MED26: variants seen among roughly 807,000 people sequenced by gnomAD.
MED26 encodes the protein mediator of RNA polymerase II transcription subunit 26.
In MED26, 7 loss-of-function variants were observed where a neutral mutation model predicts 43.7. The observed-to-expected ratio is 0.16, with a 90% CI of 0.09 to 0.30. MED26 has a LOEUF of 0.30. MED26 is among the 10% of genes least tolerant of loss of function. MED26 has a pLI of 1.00. For synonymous variants in MED26, 375 were observed against 371.1 expected, an observed-to-expected ratio of 1.01 and a Z score of -0.12; for missense variants, 784 against 840.6, an observed-to-expected ratio of 0.93 and a Z score of 0.83.
chr19:16,589,366 C>G (rs2086085796), intron 1 of MED26: 1 of 152,322 alleles, frequency 6.6e-6, no homozygotes, highest in Non-Finnish European at 1.5e-5. Flanking sequence ...TGTATCAGAA[C>G]AGCCCCAACT....
chr19:16,602,125 C>T lies in MED26; in HGVS notation c.73-23716G>A, dbSNP rs548094614. Among the ~76,000 whole-genome samples, 10 of 152,342 alleles carry T rather than the reference C, an allele frequency of 6.6e-5. No homozygotes were observed. In the East Asian group the frequency reaches 1.2e-3, roughly 18 times the overall value. ...TCCTACTGACGTGCACCTGCTGGTT[C>T]ATTCATTCCCTATGGAAAGTTCTGA... is the stretch of plus-strand genomic sequence containing the variant. On this transcript the variant is annotated intron_variant, in intron 1 of 2. Transcript: ENST00000263390.
intron 1 of MED26, chr19:16,611,903 T>A: frequency 6.6e-6 from 1 of 152,210 alleles, no homozygotes; most frequent in Non-Finnish European, 1.5e-5. Context: ...CAAGCGATCC[T>A]GCCACCTTGG....
chr19:16,575,926 C>A lies in MED26; in HGVS notation c.*101G>T. ...CCGCCTGGGCCGGACTCCCCGAGTT[C>A]CCAGCGCAGGAGGCAGCTGGGCCCC... On this transcript the variant is annotated 3_prime_UTR_variant, in exon 3 of 3. Coordinates refer to ENST00000263390, the MANE Select transcript of MED26 (RefSeq NM_004831.5). The A allele has an allele frequency of 2.1e-5, 20 of 960,642 alleles. No individual in the cohort carries two copies. Among genetic ancestry groups the A allele is most frequent in the East Asian group, 3.0e-5 (1 of 33,240 alleles). The allele number at this position is 960,642 out of a possible 1,614,324, so 59.5% of individuals were successfully genotyped here.
rs76139978 is a variant in MED26 at position 16,593,928 on chromosome 19, C to T, written c.73-15519G>A. On this transcript the variant is annotated intron_variant, in intron 1 of 2. Coordinates refer to ENST00000263390, the MANE Select transcript of MED26 (RefSeq NM_004831.5). ...GCTCAACGTGTTTTGAGAGAGCCTTCGTTTTCAATGCAGAGGTCCTGGAAG... is the reference window on the plus strand; with the variant it reads ...GCTCAACGTGTTTTGAGAGAGCCTTTGTTTTCAATGCAGAGGTCCTGGAAG... Among the ~76,000 whole-genome samples the T allele has an allele frequency of 3.7e-3, 566 of 152,238 alleles. 4 individuals are homozygous for T. Among genetic ancestry groups the T allele is most frequent in the African/African-American group, 0.012 (517 of 41,540 alleles).
intron 1 of MED26, among the ~76,000 whole-genome samples, chr19:16,621,046 A>G (rs916733269): frequency 1.3e-5 from 2 of 152,242 alleles, no homozygotes; most frequent in Admixed American, 6.5e-5. Flanking sequence ...GGAATTCAAA[A>G]TGTAACATGT....
intron 1 of MED26, 93 bp downstream of exon 1, chr19:16,627,779 G>A (rs990254369): frequency 2.2e-6 from 2 of 896,316 alleles, no homozygotes; most frequent in Non-Finnish European, 3.1e-6. Context: ...CGCCAGACGG[G>A]TCCCCCGAAG....
Position 16,577,293 on chromosome 19 carries a change from G to C in MED26, c.537C>G (p.Pro179=), listed in dbSNP as rs755703214. 1.2e-6 allele frequency: 2 copies of C among 1,611,838 alleles called. No homozygotes were observed. The highest frequency in any genetic ancestry group is 1.7e-5 in the Admixed American group (1 of 60,006). ...SHDPLVPNSS[P]LPTNGISGSP... ...TCCCACTGATCCCGTTGGTGGGGAGGGGGGATGAGTTGGGGACCAGGGGGT... is the reference window on the plus strand; with the variant it reads ...TCCCACTGATCCCGTTGGTGGGGAGCGGGGATGAGTTGGGGACCAGGGGGT... Residue 179 remains proline, a synonymous_variant, in exon 3 of 3, where the codon CCC becomes CCG. Coordinates refer to ENST00000263390, the MANE Select transcript of MED26 (RefSeq NM_004831.5). This position sits in a 1 kb window ranked among gnomAD's most constrained non-coding sequence, Gnocchi z 8.1.
intron 1 of MED26, among the ~76,000 whole-genome samples, chr19:16,625,267 A>C (rs1365400064): frequency 1.3e-5 from 2 of 152,222 alleles, no homozygotes; most frequent in Non-Finnish European, 2.9e-5. Flanking sequence ...ATTCAAATGC[A>C]TACTCCAGGG....
chr19:16,626,972 G>A (rs1007175818), intron 1 of MED26, among the ~76,000 whole-genome samples: 2 of 143,788 alleles, frequency 1.4e-5, no homozygotes, highest in South Asian at 2.4e-4. Flanking sequence ...GGGAGGGGGC[G>A]GTCCCTCCGC....
intron 1 of MED26, among the ~76,000 whole-genome samples, chr19:16,609,941 T>TAAAAAAAAAAAAA (rs869040520): frequency 1.2e-5 from 1 of 84,672 alleles, no homozygotes; most frequent in African/African-American, 4.7e-5. Flanking sequence ...AAGCACTCTT[T>TAAAAAAAAAAAAA]AAAAAAAAAA....
At chr19:16,608,965 G>C (rs1015377206) in intron 1 of MED26, among the ~76,000 whole-genome samples, 2 of 152,184 alleles carry the variant, frequency 1.3e-5, no homozygotes, top group Non-Finnish European at 2.9e-5. Context: ...TTATAGTACA[G>C]GTATTTGAAA....
In MED26 at chr19:16,615,027, AT is replaced by A. The variant is rs201029436; in HGVS notation, c.72+12844del. 5.7e-3 allele frequency among the ~76,000 whole-genome samples: 862 copies of A among 152,182 alleles called. 9 individuals are homozygous for A. Among genetic ancestry groups the A allele is most frequent in the African/African-American group, 0.019 (781 of 41,500 alleles). ...CTGGTCACTGGCCCTAACAGAATGA[AT>A]GGCTCTCTAAATACCAGCAAGAAAA... On this transcript the variant is annotated intron_variant, in intron 1 of 2. Transcript: ENST00000263390.
intron 1 of MED26, among the ~76,000 whole-genome samples, chr19:16,589,999 T>C (rs1295105567): frequency 6.6e-6 from 1 of 152,216 alleles, no homozygotes; most frequent in Admixed American, 6.5e-5. Flanking sequence ...AGTGATGCAA[T>C]GTGCACTGCA....
At chr19:16,579,528 A>G (rs1295364247) in intron 1 of MED26, among the ~76,000 whole-genome samples, 2 of 152,144 alleles carry the variant, frequency 1.3e-5, no homozygotes, top group African/African-American at 4.8e-5. Flanking sequence ...TCTTGCTAGG[A>G]GCCACACCTT....
chr19:16,609,365 C>T (rs1599344424), intron 1 of MED26, among the ~76,000 whole-genome samples: 1 of 138,616 alleles, frequency 7.2e-6, no homozygotes, highest in Non-Finnish European at 1.6e-5. Context: ...TAACCAAAGT[C>T]ATGTCAAAAC....
chr19:16,595,494 T>C (rs374011856), intron 1 of MED26, among the ~76,000 whole-genome samples: 1 of 152,186 alleles, frequency 6.6e-6, no homozygotes, highest in African/African-American at 2.4e-5. Flanking sequence ...ATTGCACAAA[T>C]GGACACCTGG....
intron 1 of MED26, among the ~76,000 whole-genome samples, chr19:16,597,259 A>G (rs544213378): frequency 6.6e-6 from 1 of 152,308 alleles, no homozygotes; most frequent in African/African-American, 2.4e-5. Context: ...ATCTCAATTC[A>G]GAACAGCCTC....
At position 16,612,584 on chromosome 19, in the gene MED26, C is replaced by G. The variant is rs77820342; in HGVS notation, c.72+15288G>C. On this transcript the variant is annotated intron_variant, in intron 1 of 2. Transcript: ENST00000263390. ...TACAGGCTGGAGCCACCATGCCTAGCCACAATTGTTGATTCTAAAGTATGT... is the reference window on the plus strand; with the variant it reads ...TACAGGCTGGAGCCACCATGCCTAGGCACAATTGTTGATTCTAAAGTATGT... Among the ~76,000 whole-genome samples the G allele has an allele frequency of 5.5e-3, 834 of 152,270 alleles. 2 individuals carry two copies. Among genetic ancestry groups the G allele is most frequent in the Middle Eastern group, 0.02 (6 of 294 alleles).
At chr19:16,616,996 C>T (rs557077687) in intron 1 of MED26, among the ~76,000 whole-genome samples, 56 of 152,194 alleles carry the variant, frequency 3.7e-4, no homozygotes, top group African/African-American at 1.3e-3. Context: ...AGCTCATCTT[C>T]CTAAACAGAT....
Sources: allele counts gnomAD v4.1 joint callset (sites outside exome capture counted in the v4.1 genomes callset), GRCh38; gene constraint gnomAD v4.1.1; non-coding constraint Gnocchi (gnomAD v3.1); transcripts MANE v1.5; gene names NCBI Gene and HGNC (gene_info 2026-07-23, HGNC 2026-07-21).